Variants in TRIM33 observed in about 807,000 individuals in gnomAD.
The protein encoded by TRIM33 is tripartite motif containing 33.
TRIM33 carries 20 observed loss-of-function variants against 125.4 expected under a neutral mutation model. That is an observed-to-expected ratio of 0.16 (90% CI 0.11 to 0.23). The LOEUF (loss-of-function observed/expected upper bound fraction) is 0.23. Ranked by LOEUF, TRIM33 falls within the 10% of genes least tolerant of loss-of-function variation. TRIM33 has a pLI of 1.00. For missense variants in TRIM33, 920 were observed against 1,411.4 expected, an observed-to-expected ratio of 0.65 and a Z score of 5.58; for synonymous variants, 564 against 513.9, an observed-to-expected ratio of 1.10 and a Z score of -1.32.
chr1:114,440,629 A>G (rs1648594213), intron 4 of TRIM33, among the ~76,000 whole-genome samples: 1 of 152,114 alleles, frequency 6.6e-6, no homozygotes, highest in Non-Finnish European at 1.5e-5. Context: ...AAGGGGGAGG[A>G]GCTGGCTGAT....
intron 13 of TRIM33, among the ~76,000 whole-genome samples, chr1:114,408,326 C>T (rs1433423852): frequency 1.3e-5 from 2 of 151,580 alleles, no homozygotes; most frequent in Non-Finnish European, 2.9e-5. Context: ...GCATTTGTTG[C>T]AAAAATTGGG....
At chr1:114,416,045 C>T (rs901730883) in intron 11 of TRIM33, among the ~76,000 whole-genome samples, 14 of 151,812 alleles carry the variant, frequency 9.2e-5, no homozygotes, top group African/African-American at 2.4e-4. Context: ...GGACCATTTC[C>T]GTTTGATCCT....
In TRIM33 at chr1:114,393,304, G is replaced by C. The variant is rs1651376414; in HGVS notation, c.*4344C>G. 5.0e-6 allele frequency: 1 copy of C among 199,666 alleles called. No homozygotes were observed. Among genetic ancestry groups the C allele is most frequent in the South Asian group, 1.9e-4 (1 of 5,238 alleles). 12.4% of individuals were successfully genotyped at this position (199,666 alleles called of 1,614,324 possible). On this transcript the variant is annotated 3_prime_UTR_variant, in exon 20 of 20. Transcript: ENST00000358465. ...TTTCACTGTGTTTTAAAATGTAGTA[G>C]ATGCCTACATTTTTCAGAACAAGGA...
chr1:114,409,982 G>C (rs1177166486), intron 12 of TRIM33, among the ~76,000 whole-genome samples: 3 of 152,004 alleles, frequency 2.0e-5, no homozygotes, highest in Non-Finnish European at 4.4e-5. Flanking sequence ...ACTCTTACCT[G>C]GGTCTCCAGC....
At chr1:114,398,631 G>A (rs1465794053) in intron 18 of TRIM33, among the ~76,000 whole-genome samples, 1 of 151,846 alleles carries the variant, frequency 6.6e-6, no homozygotes, top group African/African-American at 2.4e-5. Flanking sequence ...TGCTTCCAGA[G>A]GCAGCTATAG....
chr1:114,467,317 T>C (rs1650362141), intron 1 of TRIM33, among the ~76,000 whole-genome samples: 1 of 152,130 alleles, frequency 6.6e-6, no homozygotes, highest in African/African-American at 2.4e-5. Flanking sequence ...GTGTGGGTAA[T>C]GCATAGATAA....
At chr1:114,444,767 CA>C (rs761987116) in intron 4 of TRIM33, among the ~76,000 whole-genome samples, 17 of 152,142 alleles carry the variant, frequency 1.1e-4, no homozygotes, top group Admixed American at 9.2e-4. Context: ...CCACAATGTC[CA>C]AATCACAATA....
chr1:114,437,067 T>G (rs1016239608), intron 4 of TRIM33, among the ~76,000 whole-genome samples: 4 of 152,206 alleles, frequency 2.6e-5, no homozygotes, highest in Non-Finnish European at 5.9e-5. Context: ...TTCATAAAAT[T>G]TAACCATGTA....
chr1:114,432,478 TTGG>T (rs1648020824), intron 5 of TRIM33, among the ~76,000 whole-genome samples: 1 of 152,134 alleles, frequency 6.6e-6, no homozygotes, highest in African/African-American at 2.4e-5. Flanking sequence ...TTATTTTCTT[TTGG>T]TGTTACTTAA....
intron 11 of TRIM33, among the ~76,000 whole-genome samples, chr1:114,412,002 A>G (rs1652621881): frequency 1.3e-5 from 2 of 152,242 alleles, no homozygotes; most frequent in African/African-American, 2.4e-5. Context: ...ATTTCACAAA[A>G]GACAAAGATA....
chr1:114,407,206 T>G (rs751302362), intron 13 of TRIM33, 106 bp from the exon 14 acceptor site: 1 of 944,772 alleles, frequency 1.1e-6, no homozygotes, highest in Non-Finnish European at 1.5e-6. Context: ...AATAGACAAT[T>G]AACTTTACAG....
intron 1 of TRIM33, among the ~76,000 whole-genome samples, chr1:114,495,181 C>T (rs1652300112): frequency 6.6e-6 from 1 of 152,122 alleles, no homozygotes; most frequent in Non-Finnish European, 1.5e-5. Flanking sequence ...GCCCAAAGTG[C>T]TGGGATTACA....
intron 16 of TRIM33, among the ~76,000 whole-genome samples, chr1:114,401,861 A>G (rs1651914592): frequency 6.6e-6 from 1 of 152,188 alleles, no homozygotes; most frequent in African/African-American, 2.4e-5. Context: ...CTTTCTTCAA[A>G]TGATTCCAGT....
At chr1:114,480,848 T>A (rs935985909) in intron 1 of TRIM33, among the ~76,000 whole-genome samples, 1 of 152,030 alleles carries the variant, frequency 6.6e-6, no homozygotes, top group Non-Finnish European at 1.5e-5. Context: ...GATAAAATCA[T>A]GAATAAATAG....
chr1:114,505,887 C>G (rs1652974645), intron 1 of TRIM33, among the ~76,000 whole-genome samples: 1 of 152,010 alleles, frequency 6.6e-6, no homozygotes, highest in Admixed American at 6.6e-5. Flanking sequence ...TTGAAGAATT[C>G]AGTAACAGAA....
At chr1:114,413,374 C>T (rs1463128595) in intron 11 of TRIM33, among the ~76,000 whole-genome samples, 1 of 151,816 alleles carries the variant, frequency 6.6e-6, no homozygotes, top group African/African-American at 2.4e-5. Context: ...GCCTGACCAA[C>T]ATGAAGAAAC....
At chr1:114,463,359 AAAG>A in intron 3 of TRIM33, 50 bp downstream of exon 3, 1 of 1,570,292 alleles carries the variant, frequency 6.4e-7, no homozygotes, top group African/African-American at 1.4e-5. Context: ...TATAGGGGCA[AAAG>A]AAGGAGGTTA....
chr1:114,432,432 G>A (rs1648017003), intron 5 of TRIM33, among the ~76,000 whole-genome samples: 1 of 152,194 alleles, frequency 6.6e-6, no homozygotes, highest in South Asian at 2.1e-4. Flanking sequence ...AATGGAGTGT[G>A]TGTGTGTGTA....
At chr1:114,477,036 A>G (rs1282216495) in intron 1 of TRIM33, among the ~76,000 whole-genome samples, 2 of 152,220 alleles carry the variant, frequency 1.3e-5, no homozygotes, top group African/African-American at 4.8e-5. Context: ...AGACCACTCC[A>G]GCGTATTGAC....
Sources: gnomAD v4.1 joint callset for allele counts (sites outside exome capture counted in the v4.1 genomes callset) on GRCh38, gnomAD v4.1.1 for gene constraint, MANE v1.5 for transcripts, NCBI Gene and HGNC (gene_info 2026-07-23, HGNC 2026-07-21) for gene names.